GPR107: variants seen among roughly 807,000 people sequenced by gnomAD.
GPR107 encodes G protein-coupled receptor 107, also known as protein GPR107.
In GPR107, 31 loss-of-function variants were observed where a neutral mutation model predicts 75.5. The observed-to-expected ratio is 0.41, with a 90% CI of 0.31 to 0.55. GPR107 has a LOEUF of 0.55. GPR107 is among the 20% of genes least tolerant of loss of function. The pLI, the probability that GPR107 is intolerant of heterozygous loss-of-function variation, is 0.26. For missense variants in GPR107, 572 were observed against 665.7 expected, an observed-to-expected ratio of 0.86 and a Z score of 1.55; for synonymous variants, 267 against 251.3, an observed-to-expected ratio of 1.06 and a Z score of -0.59.
intron 1 of GPR107, among the ~76,000 whole-genome samples, chr9:130,056,127 A>G (rs1293561518): frequency 6.6e-6 from 1 of 150,760 alleles, no homozygotes; most frequent in African/African-American, 2.4e-5. Flanking sequence ...GAGCTATAGA[A>G]CCTCTCTCCA....
intron 7 of GPR107, among the ~76,000 whole-genome samples, 169 bp from the exon 8 acceptor site, chr9:130,090,707 T>G (rs1007836614): frequency 6.6e-6 from 1 of 152,236 alleles, no homozygotes; most frequent in East Asian, 1.9e-4. Context: ...CAGTCTGTCT[T>G]TATTTCCTTC....
intron 17 of GPR107, among the ~76,000 whole-genome samples, chr9:130,130,670 G>C (rs2132657962): frequency 6.6e-6 from 1 of 152,238 alleles, no homozygotes; most frequent in Admixed American, 6.5e-5. Flanking sequence ...AGGAGTTCGA[G>C]ACCAGCCTGG....
chr9:130,071,306 C>T (rs755975334), intron 1 of GPR107, among the ~76,000 whole-genome samples: 3 of 149,910 alleles, frequency 2.0e-5, no homozygotes, highest in Non-Finnish European at 3.0e-5. Context: ...GGATTATAGG[C>T]GAGAGCCACC....
chr9:130,078,200 A>G (rs1389035105), intron 4 of GPR107, among the ~76,000 whole-genome samples: 1 of 151,988 alleles, frequency 6.6e-6, no homozygotes, highest in Non-Finnish European at 1.5e-5. Flanking sequence ...TTGATGAATT[A>G]TCAGACTTTG....
At chr9:130,060,681 A>G (rs1286424991) in intron 1 of GPR107, among the ~76,000 whole-genome samples, 3 of 152,154 alleles carry the variant, frequency 2.0e-5, no homozygotes, top group Admixed American at 2.0e-4. Context: ...TTTCAAGTAG[A>G]TGCTGCAAAT....
rs1183136065 is a variant in GPR107, at chr9:130,054,090, C to T, written c.141+17C>T. On this transcript the variant is annotated intron_variant, in intron 1 of 17. Coordinates refer to ENST00000347136, the MANE Select transcript of GPR107 (RefSeq NM_020960.5). ...GCACTCAAGGTAAAGCTTGGCAAGG[C>T]CGGGCCGGGGGGCGGAGGCCGAGGC... The T allele has an allele frequency of 6.5e-7, 1 of 1,529,398 alleles. No individual in the cohort carries two copies. The highest frequency in any genetic ancestry group is 8.8e-7 in the Non-Finnish European group (1 of 1,136,786). 94.7% of individuals were successfully genotyped at this position (1,529,398 alleles called of 1,614,324 possible).
intron 7 of GPR107, 69 bp downstream of exon 7, chr9:130,086,545 A>T (rs1159471394): frequency 1.1e-6 from 1 of 908,712 alleles, no homozygotes; most frequent in Non-Finnish European, 1.8e-6. Context: ...ATTTTTTTTT[A>T]GAGGAATTTT....
At chr9:130,074,374 A>G (rs1830289642) in intron 1 of GPR107, among the ~76,000 whole-genome samples, 1 of 152,180 alleles carries the variant, frequency 6.6e-6, no homozygotes. Flanking sequence ...ATCTAGAAAT[A>G]AAAAGTTACC....
At chr9:130,087,578 A>G (rs1486822195) in intron 7 of GPR107, among the ~76,000 whole-genome samples, 1 of 151,984 alleles carries the variant, frequency 6.6e-6, no homozygotes, top group Non-Finnish European at 1.5e-5. Context: ...AGGTGGGAGG[A>G]TCACTTGAGC....
rs369677137 is a variant in GPR107, at chr9:130,127,571, G to A, written c.1440+5G>A. 4.7e-6 allele frequency: 7 copies of A among 1,502,706 alleles called. No individual in the cohort carries two copies. The highest frequency in any genetic ancestry group is 1.7e-4 in the Middle Eastern group (1 of 5,900). The allele number at this position is 1,502,706 out of a possible 1,614,324, so 93.1% of individuals were successfully genotyped here. A position where few individuals can be genotyped will look rare whatever the true frequency, so the allele number is the denominator to read the frequency against. ...CAGTGGAAGTGGCTCTACCAGGTAC[G>A]CTGCTCACAGGGCAGAATGCCAGAG... On this transcript the variant is annotated splice_donor_5th_base_variant and intron_variant, in intron 16 of 17. Coordinates refer to ENST00000347136, the MANE Select transcript of GPR107 (RefSeq NM_020960.5).
intron 17 of GPR107, among the ~76,000 whole-genome samples, chr9:130,130,328 C>T (rs372883900): frequency 3.9e-5 from 6 of 152,222 alleles, no homozygotes; most frequent in Admixed American, 2.6e-4. Context: ...TGAATTACTT[C>T]TGTCATCTTG....
intron 9 of GPR107, among the ~76,000 whole-genome samples, chr9:130,098,644 A>C (rs1830937466): frequency 6.6e-6 from 1 of 152,170 alleles, no homozygotes; most frequent in Non-Finnish European, 1.5e-5. Flanking sequence ...TTCATTCACA[A>C]CATTAAATTG....
chr9:130,131,599 CT>C (rs1413559116), intron 17 of GPR107, among the ~76,000 whole-genome samples: 2 of 152,086 alleles, frequency 1.3e-5, no homozygotes, highest in African/African-American at 4.8e-5. Context: ...CCAGGTCCCC[CT>C]GTCCTCCTGC....
At chr9:130,067,389 C>G (rs1476717510) in intron 1 of GPR107, among the ~76,000 whole-genome samples, 2 of 152,008 alleles carry the variant, frequency 1.3e-5, no homozygotes, top group African/African-American at 4.8e-5. Context: ...TGTTATTATC[C>G]CTGCTTTATA....
chr9:130,064,373 AT>A (rs1223974968), intron 1 of GPR107, among the ~76,000 whole-genome samples: 1 of 141,190 alleles, frequency 7.1e-6, no homozygotes. Flanking sequence ...AATTTTTTGT[AT>A]TTTTTTTAGT....
intron 10 of GPR107, among the ~76,000 whole-genome samples, chr9:130,100,122 C>T (rs974559310): frequency 2.0e-5 from 3 of 152,040 alleles, no homozygotes; most frequent in African/African-American, 7.2e-5. Context: ...GTCTCGATCT[C>T]CTGACCTCGT....
rs534605070 is a variant in GPR107, at chr9:130,090,655, A to G, written c.622-221A>G. ...CGGAAGGGAATCATAGAATAAGAAG[A>G]TATCTCTTTAAACTCTGCCGTGGGA... is the stretch of plus-strand genomic sequence containing the variant. On this transcript the variant is annotated intron_variant, in intron 7 of 17. Coordinates refer to ENST00000347136, the MANE Select transcript of GPR107 (RefSeq NM_020960.5). 3.3e-5 allele frequency among the ~76,000 whole-genome samples: 5 copies of G among 152,318 alleles called. No homozygotes were observed. The East Asian group carries it at 7.7e-4, about 23-fold the overall frequency.
chr9:130,091,909 T>G (rs1830748779), intron 8 of GPR107, among the ~76,000 whole-genome samples: 1 of 152,138 alleles, frequency 6.6e-6, no homozygotes, highest in Admixed American at 6.6e-5. Context: ...TTGGCCAGGC[T>G]GGTCTTGAAC....
At chr9:130,126,406 C>T (rs999878117) in intron 15 of GPR107, among the ~76,000 whole-genome samples, 2 of 140,268 alleles carry the variant, frequency 1.4e-5, no homozygotes, top group Non-Finnish European at 3.0e-5. Flanking sequence ...AGTGCAATGG[C>T]GTGATCTCGG....
Sources: gnomAD v4.1 joint callset for allele counts (sites outside exome capture counted in the v4.1 genomes callset) on GRCh38, gnomAD v4.1.1 for gene constraint, MANE v1.5 for transcripts, NCBI Gene and HGNC (gene_info 2026-07-23, HGNC 2026-07-21) for gene names.